Variants in MOCOS observed in about 807,000 individuals in gnomAD.
MOCOS encodes the protein human molybdenum cofactor sulfurase.
A neutral mutation model predicts 83.6 loss-of-function variants in MOCOS; 86 were observed. The observed-to-expected ratio is 1.03, with a 90% CI of 0.86 to 1.23. The LOEUF (loss-of-function observed/expected upper bound fraction) is 1.23, where lower values mean the gene tolerates loss of function less well. Ranked by LOEUF, MOCOS falls within the 50% of genes most tolerant of loss-of-function variation. The probability of loss-of-function intolerance (pLI) is 0.00; values close to 1 mark genes in which losing one functional copy is unlikely to be tolerated. For missense variants in MOCOS, 1,120 were observed against 1,126.9 expected, an observed-to-expected ratio of 0.99 and a Z score of 0.09; for synonymous variants, 445 against 434.7, an observed-to-expected ratio of 1.02 and a Z score of -0.29.
chr18:36,233,921 A>G (rs201661426), intron 9 of MOCOS, among the ~76,000 whole-genome samples: 1 of 8 alleles, frequency 0.12, no homozygotes, highest in Admixed American at 0.5. Flanking sequence ...TTCCTTGTAG[A>G]ATTCTGGATA....
At chr18:36,210,925 A>C (rs2091453425) in intron 6 of MOCOS, among the ~76,000 whole-genome samples, 1 of 146,866 alleles carries the variant, frequency 6.8e-6, no homozygotes, top group Non-Finnish European at 1.5e-5. Context: ...GGTAGTGGAG[A>C]AGAAGCCTCC....
In MOCOS at chr18:36,215,745, C is replaced by T. The variant is rs1182808722; in HGVS notation, c.1565C>T (p.Ala522Val). Residue 522 changes from alanine to valine, a missense_variant, in exon 8 of 15, where the codon GCT becomes GTT. By Grantham distance (64) the Ala-to-Val change is moderately conservative. Transcript: ENST00000261326. Reference sequence around the variant, plus strand: ...GACAGCCAGGCTGATGTTATACCTGCTGTCATGGGCAGACGTAGCCTCTCG... The same window carrying T: ...GACAGCCAGGCTGATGTTATACCTGTTGTCATGGGCAGACGTAGCCTCTCG... ...SADSQADVIP[A>V]VMGRRSLSPQ... The T allele has an allele frequency of 5.0e-6, 8 of 1,614,100 alleles. No homozygotes were observed. Among genetic ancestry groups the T allele is most frequent in the Non-Finnish European group, 6.8e-6 (8 of 1,180,058 alleles).
chr18:36,257,690 C>T (rs1002779919), intron 12 of MOCOS, among the ~76,000 whole-genome samples: 3 of 152,090 alleles, frequency 2.0e-5, no homozygotes, highest in African/African-American at 7.2e-5. Context: ...GGTAGCCAGG[C>T]AATGAGGAAA....
chr18:36,199,535 C>T, intron 3 of MOCOS, 148 bp from the exon 4 acceptor site: 3 of 1,226,620 alleles, frequency 2.4e-6, no homozygotes, highest in African/African-American at 1.5e-5. Flanking sequence ...CCACGGCTTC[C>T]ATTGCCCTCG....
At chr18:36,257,873 A>G (rs1382070356) in intron 12 of MOCOS, among the ~76,000 whole-genome samples, 1 of 152,208 alleles carries the variant, frequency 6.6e-6, no homozygotes, top group East Asian at 1.9e-4. Context: ...TTGCAAAGAC[A>G]TACAAATACA....
At position 36,268,855 on chromosome 18, in the gene MOCOS, T is replaced by A; in HGVS notation, c.*170T>A. On this transcript the variant is annotated 3_prime_UTR_variant, in exon 15 of 15. Transcript: ENST00000261326. ...TGCCTTTGACTTCTCACCCTGCAAA[T>A]TTGCACTGGCTGTGCTCAGGAGAGC... 1 of 653,174 alleles carries A rather than the reference T, an allele frequency of 1.5e-6. No individual in the cohort carries two copies. Among genetic ancestry groups the A allele is most frequent in the Non-Finnish European group, 2.6e-6 (1 of 379,072 alleles). 40.5% of individuals were successfully genotyped at this position (653,174 alleles called of 1,614,324 possible). A position where few individuals can be genotyped will look rare whatever the true frequency, so the allele number is the denominator to read the frequency against.
At chr18:36,259,553 CAAA>C (rs11302704) in intron 12 of MOCOS, among the ~76,000 whole-genome samples, 121 of 141,456 alleles carry the variant, frequency 8.6e-4, no homozygotes, top group East Asian at 4.9e-3. Context: ...TTTTAATACC[CAAA>C]AAAAAAAAAA....
At chr18:36,199,191 G>A (rs887044087) in intron 3 of MOCOS, among the ~76,000 whole-genome samples, 4 of 151,964 alleles carry the variant, frequency 2.6e-5, no homozygotes, top group Non-Finnish European at 4.4e-5. Context: ...ATGTTAAACA[G>A]CTCTCTATAC....
chr18:36,214,154 C>G (rs1448733802), intron 7 of MOCOS, among the ~76,000 whole-genome samples: 3 of 146,416 alleles, frequency 2.0e-5, no homozygotes, highest in Non-Finnish European at 4.5e-5. Flanking sequence ...GGCAGGAGAA[C>G]TGCTTGAACC....
At chr18:36,227,127 G>T (rs941162820) in intron 9 of MOCOS, among the ~76,000 whole-genome samples, 5 of 151,578 alleles carry the variant, frequency 3.3e-5, no homozygotes, top group African/African-American at 1.2e-4. Flanking sequence ...GCTCAGGTTG[G>T]TCTTGAACTC....
At chr18:36,228,227 G>C (rs1326478172) in intron 9 of MOCOS, among the ~76,000 whole-genome samples, 1 of 152,208 alleles carries the variant, frequency 6.6e-6, no homozygotes, top group African/African-American at 2.4e-5. Context: ...ATACACCGTT[G>C]GTGGGACTGT....
At chr18:36,231,260 C>G (rs950119969) in intron 9 of MOCOS, among the ~76,000 whole-genome samples, 2 of 151,924 alleles carry the variant, frequency 1.3e-5, no homozygotes, top group African/African-American at 4.8e-5. Flanking sequence ...TATTTGGTAT[C>G]TTAAGGAAAA....
chr18:36,205,768 C>A (rs2091432453), intron 6 of MOCOS, among the ~76,000 whole-genome samples: 1 of 152,158 alleles, frequency 6.6e-6, no homozygotes, highest in Non-Finnish European at 1.5e-5. Context: ...GAGGTGGGGT[C>A]TCGCTCTTTC....
chr18:36,199,735 GC>G lies in MOCOS; in HGVS notation c.354del (p.Ser120AlafsTer36), dbSNP rs746640223. ...TAEDYTVIFT[A>X]GSTAALKLVA... ...AGAAGACTACACTGTGATCTTCACT[GC>G]CGGGAGCACGGCTGCTCTCAAACTG... On this transcript the variant is annotated frameshift_variant, in exon 4 of 15. Transcript: ENST00000261326. LOFTEE classifies it high-confidence loss of function. 3 of 1,614,144 alleles carry G rather than the reference GC, an allele frequency of 1.9e-6. No individual in the cohort carries two copies. The highest frequency in any genetic ancestry group is 2.5e-6 in the Non-Finnish European group (3 of 1,180,042).
intron 14 of MOCOS, 148 bp downstream of exon 14, chr18:36,267,001 G>A (rs1421900920): frequency 2.9e-6 from 2 of 695,184 alleles, no homozygotes; most frequent in African/African-American, 3.6e-5. Flanking sequence ...ACCTATCCTT[G>A]TTTGTAGTTT....
At position 36,263,789 on chromosome 18, in the gene MOCOS, A is replaced by G. The variant is rs1251501233; in HGVS notation, c.2410-2960A>G. 2.6e-5 allele frequency among the ~76,000 whole-genome samples: 4 copies of G among 152,352 alleles called. No individual in the cohort carries two copies. The East Asian group carries it at 7.7e-4, about 29-fold the overall frequency. ...TTGACTTGTTTTTTAATGAATATAT[A>G]TGCTAGTAAACACATTTTAAAAATA... On this transcript the variant is annotated intron_variant, in intron 13 of 14. Coordinates refer to ENST00000261326, the MANE Select transcript of MOCOS (RefSeq NM_017947.4).
At chr18:36,204,789 T>A (rs1163621908) in intron 5 of MOCOS, among the ~76,000 whole-genome samples, 1 of 151,840 alleles carries the variant, frequency 6.6e-6, no homozygotes, top group African/African-American at 2.4e-5. Context: ...GCCCAGGAGC[T>A]CAAGACAAGC....
Position 36,195,238 on chromosome 18 carries a change from A to G in MOCOS, c.143-19A>G. ...AGATTCAGGTAAAATTTTAGTATTT[A>G]TTTTGTGTTTTCTTTCAGGAACTGT... On this transcript the variant is annotated intron_variant, in intron 1 of 14. Transcript: ENST00000261326. 6.2e-7 allele frequency: 1 copy of G among 1,606,542 alleles called. No individual in the cohort carries two copies. The highest frequency in any genetic ancestry group is 2.2e-5 in the East Asian group (1 of 44,862).
At chr18:36,248,889 A>C in intron 9 of MOCOS, 33 bp from the exon 10 acceptor site, 1 of 1,566,920 alleles carries the variant, frequency 6.4e-7, no homozygotes, top group Non-Finnish European at 8.8e-7. Flanking sequence ...TTTTTACATA[A>C]TGATAAATTT....
Sources: allele counts gnomAD v4.1 joint callset (sites outside exome capture counted in the v4.1 genomes callset), GRCh38; gene constraint gnomAD v4.1.1; transcripts MANE v1.5; gene names NCBI Gene and HGNC (gene_info 2026-07-23, HGNC 2026-07-21).